The following PDGFB variants were observed in gnomAD, a reference collection of about 807,000 sequenced individuals.
PDGFB encodes the protein platelet-derived growth factor subunit B.
Under a neutral mutation model 29.0 loss-of-function variants are expected in PDGFB, and 6 were observed. The ratio of observed to expected loss-of-function variants is 0.21; its 90% CI spans 0.11 to 0.41. The LOEUF is 0.41. PDGFB is among the 10% of genes least tolerant of loss of function. The pLI is 1.00. For missense variants in PDGFB, 299 were observed against 341.8 expected (o/e 0.87, Z 0.99); for synonymous variants, 144 against 140.8 (o/e 1.02, Z -0.16).
At position 39,243,295 on chromosome 22, in the gene PDGFB, T is replaced by C. The variant is rs944054897; in HGVS notation, c.63+606A>G. On this transcript the variant is annotated intron_variant, in intron 1 of 6. Transcript: ENST00000331163. This position sits in a 1 kb window ranked among gnomAD's most constrained non-coding sequence, Gnocchi z 6.4. The stretch of plus-strand genomic sequence containing the variant: ...CTCTTTCTCTCTCTCTCTCTCTCTC[T>C]CCCTGTTACTCCCACCCCAAACCCC... Among the ~76,000 whole-genome samples, 3 of 149,982 alleles carry C rather than the reference T, an allele frequency of 2.0e-5. No individual in the cohort carries two copies. Among genetic ancestry groups the C allele is most frequent in the Non-Finnish European group, 4.4e-5 (3 of 67,822 alleles).
At chr22:39,230,327 G>C in intron 4 of PDGFB, 99 bp from the exon 5 acceptor site, 1 of 1,251,262 alleles carries the variant, frequency 8.0e-7, no homozygotes, top group South Asian at 1.2e-5. Flanking sequence ...GTCCCCTGCA[G>C]CAATCTTTCC....
intron 1 of PDGFB, among the ~76,000 whole-genome samples, chr22:39,239,774 G>A (rs916793657): frequency 6.6e-6 from 1 of 152,194 alleles, no homozygotes; most frequent in Non-Finnish European, 1.5e-5. Context: ...ACGAGCGAGC[G>A]TGAGGCCAGG....
At chr22:39,234,314 C>T (rs569562192) in intron 2 of PDGFB, among the ~76,000 whole-genome samples, 240 of 152,324 alleles carry the variant, frequency 1.6e-3, no homozygotes, top group Non-Finnish European at 3.1e-3. Flanking sequence ...TTGGAGACAT[C>T]GGTCCTTTCC....
At chr22:39,232,235 G>A (rs1302717106) in intron 3 of PDGFB, among the ~76,000 whole-genome samples, 3 of 152,172 alleles carry the variant, frequency 2.0e-5, no homozygotes, top group East Asian at 3.9e-4. Context: ...TCGAAACCAC[G>A]CGTGCACTGC....
intron 3 of PDGFB, among the ~76,000 whole-genome samples, chr22:39,232,777 C>T (rs1050423423): frequency 6.6e-6 from 1 of 152,082 alleles, no homozygotes; most frequent in Non-Finnish European, 1.5e-5. Context: ...CGTGAGCCAC[C>T]ATGCCCGGCC....
intron 1 of PDGFB, among the ~76,000 whole-genome samples, chr22:39,238,780 G>A (rs1357974597): frequency 6.6e-6 from 1 of 152,222 alleles, no homozygotes; most frequent in African/African-American, 2.4e-5. Context: ...CATGTCCCAC[G>A]TCAGAGGCTC....
At chr22:39,238,927 G>A (rs931914587) in intron 1 of PDGFB, among the ~76,000 whole-genome samples, 2 of 152,256 alleles carry the variant, frequency 1.3e-5, no homozygotes, top group African/African-American at 4.8e-5. Flanking sequence ...CAGGGCACAG[G>A]ACGGCCTTCC....
chr22:39,226,746 TG>T (rs1932177223), intron 5 of PDGFB, among the ~76,000 whole-genome samples: 1 of 152,228 alleles, frequency 6.6e-6, no homozygotes, highest in South Asian at 2.1e-4. Context: ...CACTGGGCTC[TG>T]GGCCAGAATC....
rs886993082 is a variant in PDGFB, at chr22:39,225,003, G to A, written c.*339C>T. 2 of 153,484 alleles carry A rather than the reference G, an allele frequency of 1.3e-5. No individual in the cohort carries two copies. Among genetic ancestry groups the A allele is most frequent in the African/African-American group, 2.4e-5 (1 of 41,460 alleles). 9.5% of individuals were successfully genotyped at this position (153,484 alleles called of 1,614,324 possible). On this transcript the variant is annotated 3_prime_UTR_variant, in exon 7 of 7. Coordinates refer to ENST00000331163, the MANE Select transcript of PDGFB (RefSeq NM_002608.4). ...CAGGTGTGGCCCAGGCCAGGTGCAG[G>A]GGAAGGAGCCCGTTTCCCCCAAAGA...
At chr22:39,234,043 G>T (rs1932380692) in intron 2 of PDGFB, among the ~76,000 whole-genome samples, 1 of 151,124 alleles carries the variant, frequency 6.6e-6, no homozygotes, top group South Asian at 2.1e-4. Flanking sequence ...AGGGATGGGG[G>T]TGGGAGCTGA....
At chr22:39,237,036 G>A (rs989420775) in intron 1 of PDGFB, among the ~76,000 whole-genome samples, 5 of 152,054 alleles carry the variant, frequency 3.3e-5, no homozygotes, top group African/African-American at 7.2e-5. Flanking sequence ...CCACATTCCC[G>A]GAGCCGAAGG....
intron 3 of PDGFB, among the ~76,000 whole-genome samples, chr22:39,232,811 C>T (rs761964385): frequency 9.9e-5 from 15 of 152,222 alleles, no homozygotes; most frequent in Non-Finnish European, 1.2e-4. Flanking sequence ...TCTTATTCAT[C>T]GTTCCCCCAG....
intron 1 of PDGFB, among the ~76,000 whole-genome samples, chr22:39,236,289 C>T (rs368955575): frequency 1.3e-5 from 2 of 152,226 alleles, no homozygotes; most frequent in Non-Finnish European, 2.9e-5. Flanking sequence ...GGAAAACAAA[C>T]GTTCAAAGAG....
rs903178800 is a variant in PDGFB, at chr22:39,231,015, T to A, written c.456+607A>T. Among the ~76,000 whole-genome samples the A allele has an allele frequency of 6.6e-6, 1 of 152,250 alleles. No homozygotes were observed. Among genetic ancestry groups the A allele is most frequent in the Non-Finnish European group, 1.5e-5 (1 of 68,036 alleles). On this transcript the variant is annotated intron_variant, in intron 4 of 6. Transcript: ENST00000331163. The surrounding 1 kb of genome is among the most constrained non-coding windows in gnomAD (Gnocchi z 4.3). Reference sequence around the variant, plus strand: ...GAATTTTCCCTGAGTCCAGTGTATGTATCCCCCGTCCCTCCGAAGAAAAGC... The same window carrying A: ...GAATTTTCCCTGAGTCCAGTGTATGAATCCCCCGTCCCTCCGAAGAAAAGC...
In PDGFB at chr22:39,231,567, G is replaced by A. The variant is rs970178971; in HGVS notation, c.456+55C>T. ...CCTGGTCAGGTATGAGCCCCAGAAG[G>A]GTGGTCTCCACCCACCACCGGGACC... On this transcript the variant is annotated intron_variant, in intron 4 of 6. Transcript: ENST00000331163. The surrounding 1 kb of genome is among the most constrained non-coding windows in gnomAD (Gnocchi z 4.3). The A allele has an allele frequency of 2.6e-5, 34 of 1,312,880 alleles. No homozygotes were observed. Among genetic ancestry groups the A allele is most frequent in the Middle Eastern group, 2.6e-4 (1 of 3,864 alleles). 81.3% of individuals were successfully genotyped at this position (1,312,880 alleles called of 1,614,324 possible). A position where few individuals can be genotyped will look rare whatever the true frequency, so the allele number is the denominator to read the frequency against.
chr22:39,225,573 G>T, intron 6 of PDGFB, 122 bp downstream of exon 6: 2 of 976,340 alleles, frequency 2.0e-6, no homozygotes, highest in Non-Finnish European at 3.0e-6. Flanking sequence ...TAACTGGACA[G>T]GGAGGACCAA....
At chr22:39,237,033 C>T (rs1052334795) in intron 1 of PDGFB, among the ~76,000 whole-genome samples, 17 of 152,258 alleles carry the variant, frequency 1.1e-4, no homozygotes, top group Middle Eastern at 3.4e-3. Context: ...GCTCCACATT[C>T]CCGGAGCCGA....
At chr22:39,240,855 G>C (rs774610229) in intron 1 of PDGFB, 32 of 1,613,638 alleles carry the variant, frequency 2.0e-5, no homozygotes, top group African/African-American at 1.3e-4. Flanking sequence ...AGGTACTTAC[G>C]AGGCCCATGA....
chr22:39,235,408 G>A (rs1236805134), intron 2 of PDGFB, among the ~76,000 whole-genome samples: 1 of 152,198 alleles, frequency 6.6e-6, no homozygotes, highest in Non-Finnish European at 1.5e-5. Flanking sequence ...TCACAGACCG[G>A]GCCCCTAGCC....
Sources: allele counts gnomAD v4.1 joint callset (sites outside exome capture counted in the v4.1 genomes callset), GRCh38; gene constraint gnomAD v4.1.1; non-coding constraint Gnocchi (gnomAD v3.1); transcripts MANE v1.5; gene names NCBI Gene and HGNC (gene_info 2026-07-23, HGNC 2026-07-21).